Variants in SYTL5 observed in about 807,000 individuals in gnomAD.
The protein encoded by SYTL5 is synaptotagmin like 5, also known as synaptotagmin-like protein 5.
Under a neutral mutation model 55.9 loss-of-function variants are expected in SYTL5, and 34 were observed. The ratio of observed to expected loss-of-function variants is 0.61; its 90% CI spans 0.46 to 0.81. SYTL5 has a LOEUF of 0.81. Among genes scored for constraint, SYTL5 ranks in the 30% least tolerant of loss-of-function variants. SYTL5 has a pLI of 0.00. For synonymous variants in SYTL5, 221 were observed against 188.7 expected, an observed-to-expected ratio of 1.17 and a Z score of -1.40; for missense variants, 637 against 546.7, an observed-to-expected ratio of 1.17 and a Z score of -1.65.
In SYTL5 at chrX:38,109,369, T is replaced by C. The variant is rs144347688; in HGVS notation, c.1434+670T>C. Among the ~76,000 whole-genome samples, 954 of 111,416 alleles carry C rather than the reference T, an allele frequency of 8.6e-3. 14 individuals are homozygous for C. The highest frequency in any genetic ancestry group is 0.03 in the African/African-American group (910 of 30,630). Reference sequence around the variant, plus strand: ...AAAGCAGAAGTTATTGCCAATTCTATGGAAATTTATGGGCTTGTGCCCCAG... The same window carrying C: ...AAAGCAGAAGTTATTGCCAATTCTACGGAAATTTATGGGCTTGTGCCCCAG... On this transcript the variant is annotated intron_variant, in intron 12 of 16. Transcript: ENST00000297875.
chrX:38,109,297 T>A (rs1937299822), intron 12 of SYTL5, among the ~76,000 whole-genome samples: 1 of 111,799 alleles, frequency 8.9e-6, no homozygotes, highest in Non-Finnish European at 1.9e-5. Context: ...ACCCCTTCTC[T>A]TGCTATGGAA....
upstream of SYTL5, among the ~76,000 whole-genome samples, chrX:38,002,468 A>G (rs1338613939): frequency 1.8e-5 from 2 of 111,823 alleles, no homozygotes; most frequent in East Asian, 5.6e-4. Flanking sequence ...TGAACTAGTT[A>G]ACAGTCCCAC....
At chrX:37,910,435 G>C in the SYTL5 span, among the ~76,000 whole-genome samples, 17 of 112,343 alleles carry the variant, frequency 1.5e-4, no homozygotes, top group Non-Finnish European at 2.4e-4. Context: ...GCCCCTGAAG[G>C]CTGGGACTTC....
chrX:38,123,658 C>T (rs138153100), intron 15 of SYTL5, among the ~76,000 whole-genome samples: 5 of 112,324 alleles, frequency 4.5e-5, no homozygotes, highest in African/African-American at 1.3e-4. Context: ...ACTCCCAACC[C>T]GTGGCCACAT....
chrX:38,096,105 C>T (rs376800911), intron 8 of SYTL5, 29 bp from the exon 9 acceptor site: 7 of 890,505 alleles, frequency 7.9e-6, no homozygotes, highest in East Asian at 3.2e-5. Context: ...GGCTGACTCA[C>T]GTCTTTCTTT....
chrX:38,097,412 G>A (rs968017313), intron 9 of SYTL5, among the ~76,000 whole-genome samples: 11 of 110,378 alleles, frequency 1.0e-4, no homozygotes, highest in African/African-American at 3.6e-4. Context: ...ATATATACTA[G>A]CAATGATCAA....
the SYTL5 span, among the ~76,000 whole-genome samples, chrX:37,968,365 G>A: frequency 3.6e-5 from 4 of 111,453 alleles, no homozygotes; most frequent in Admixed American, 2.8e-4. Context: ...ATGTTTTTAT[G>A]TTCTGATCCC....
intron 1 of SYTL5, among the ~76,000 whole-genome samples, chrX:38,007,671 A>G (rs1272581796): frequency 1.8e-5 from 2 of 111,647 alleles, no homozygotes; most frequent in Non-Finnish European, 1.9e-5. Context: ...TATTTGGACA[A>G]CAGCTTACAC....
intron 9 of SYTL5, among the ~76,000 whole-genome samples, chrX:38,097,096 G>GA (rs1358963911): frequency 1.4e-3 from 159 of 110,747 alleles, no homozygotes; most frequent in African/African-American, 5.0e-3. Context: ...AAAATAGTTT[G>GA]AAAAATAAAA....
At chrX:38,063,512 C>T (rs1408652261) in intron 3 of SYTL5, among the ~76,000 whole-genome samples, 1 of 111,147 alleles carries the variant, frequency 9.0e-6, no homozygotes, top group African/African-American at 3.3e-5. Context: ...ATAAAAATAG[C>T]CCCTGTGTAT....
At chrX:38,116,911 G>A (rs1343294224) in intron 13 of SYTL5, among the ~76,000 whole-genome samples, 2 of 112,248 alleles carry the variant, frequency 1.8e-5, no homozygotes, top group African/African-American at 6.5e-5. Context: ...TGAGTCAGCA[G>A]TTAACTAAGT....
At position 38,073,667 on chromosome X, in the gene SYTL5, A is replaced by G; in HGVS notation, c.523A>G (p.Lys175Glu). ...KSDTSPVAGK[K>E]ASHDGPKRKG... ...AGACACTTCACCTGTTGCTGGGAAG[A>G]AGGCCAGCCATGATGGGCCCAAGAG... is the stretch of plus-strand genomic sequence containing the variant. Residue 175 changes from lysine to glutamate, a missense_variant, in exon 5 of 17, where the codon AAG (lysine) becomes GAG (glutamate). By Grantham distance (56) the Lys-to-Glu change is moderately conservative. Coordinates refer to ENST00000297875, the MANE Select transcript of SYTL5 (RefSeq NM_138780.3). 8.3e-7 allele frequency: 1 copy of G among 1,198,686 alleles called. No homozygotes were observed. The highest frequency in any genetic ancestry group is 2.3e-5 in the Admixed American group (1 of 44,375).
At chrX:38,016,919 A>G (rs1490743617) in intron 1 of SYTL5, among the ~76,000 whole-genome samples, 1 of 112,236 alleles carries the variant, frequency 8.9e-6, no homozygotes, top group Non-Finnish European at 1.9e-5. Context: ...CTGAATATGC[A>G]TGACTTCAAA....
intron 9 of SYTL5, among the ~76,000 whole-genome samples, chrX:38,097,173 C>A (rs1936957049): frequency 9.0e-6 from 1 of 110,813 alleles, no homozygotes; most frequent in African/African-American, 3.3e-5. Flanking sequence ...TAAAATCTAG[C>A]AGTGAATAAA....
At chrX:37,917,656 T>C in the SYTL5 span, among the ~76,000 whole-genome samples, 1 of 112,246 alleles carries the variant, frequency 8.9e-6, no homozygotes, top group Non-Finnish European at 1.9e-5. Flanking sequence ...ACAGTGAAAA[T>C]TGCTTTCCAC....
At chrX:37,899,722 C>T in the SYTL5 span, among the ~76,000 whole-genome samples, 2 of 111,606 alleles carry the variant, frequency 1.8e-5, no homozygotes, top group Non-Finnish European at 3.8e-5. Flanking sequence ...TAGTGCCATG[C>T]AGCTTCATTG....
chrX:38,093,881 G>T (rs191524856), intron 7 of SYTL5, among the ~76,000 whole-genome samples: 2 of 110,255 alleles, frequency 1.8e-5, no homozygotes, highest in East Asian at 2.9e-4. Flanking sequence ...TGAAGAGAGG[G>T]TATGTTGAAA....
At chrX:37,939,794 G>A in the SYTL5 span, 1 of 111,549 alleles carries the variant, frequency 9.0e-6, no homozygotes, top group Middle Eastern at 4.6e-3. Context: ...AGGAAATGGT[G>A]ATAACTATGA....
intron 13 of SYTL5, among the ~76,000 whole-genome samples, chrX:38,110,838 A>G (rs1937340864): frequency 8.9e-6 from 1 of 111,761 alleles, no homozygotes; most frequent in Non-Finnish European, 1.9e-5. Flanking sequence ...ACAATCCCCA[A>G]ACATTACCTT....
Sources: gnomAD v4.1 joint callset for allele counts (sites outside exome capture counted in the v4.1 genomes callset) on GRCh38, gnomAD v4.1.1 for gene constraint, MANE v1.5 for transcripts, NCBI Gene and HGNC (gene_info 2026-07-23, HGNC 2026-07-21) for gene names.